The following FGFR2 variants were observed in gnomAD, a reference collection of about 807,000 sequenced individuals.
The protein encoded by FGFR2 is BEK fibroblast growth factor receptor.
A neutral mutation model predicts 95.9 loss-of-function variants in FGFR2; 19 were observed. The ratio of observed to expected loss-of-function variants is 0.20; its 90% CI spans 0.14 to 0.29. The LOEUF is 0.29. Among genes scored for constraint, FGFR2 ranks in the 10% least tolerant of loss-of-function variants. The pLI, the probability that FGFR2 is intolerant of heterozygous loss-of-function variation, is 1.00. For synonymous variants in FGFR2, 392 were observed against 393.3 expected (o/e 1.00, Z 0.04); for missense variants, 707 against 1,056.9 (o/e 0.67, Z 4.59).
At chr10:121,536,649 G>A (rs1400259986) in intron 6 of FGFR2, among the ~76,000 whole-genome samples, 3 of 152,266 alleles carry the variant, frequency 2.0e-5, no homozygotes, top group South Asian at 2.1e-4. Context: ...GGGATGAGCC[G>A]CCAGAAAGCT....
intron 14 of FGFR2, 131 bp downstream of exon 14, chr10:121,487,860 G>T: frequency 8.7e-7 from 1 of 1,147,778 alleles, no homozygotes; most frequent in Non-Finnish European, 1.3e-6. Flanking sequence ...TAAGTCAAAA[G>T]AACGGGAATC....
intron 5 of FGFR2, among the ~76,000 whole-genome samples, chr10:121,547,340 G>A (rs538085655): frequency 6.6e-6 from 1 of 152,138 alleles, no homozygotes; most frequent in South Asian, 2.1e-4. Context: ...AGGAAGTGCC[G>A]AGGAATGAAA....
Position 121,598,071 on chromosome 10 carries a change from G to A in FGFR2, c.-260C>T, listed in dbSNP as rs1863714673. ...GCGGGGAGCAACTCCAAACGCAGAA[G>A]AGTGGTCCTTGGGTCTTCGCCGGCG... On this transcript the variant is annotated 5_prime_UTR_variant, in exon 1 of 18. Transcript: ENST00000358487. 2.5e-6 allele frequency: 1 copy of A among 398,182 alleles called. No individual in the cohort carries two copies. Among genetic ancestry groups the A allele is most frequent in the Non-Finnish European group, 4.4e-6 (1 of 225,844 alleles). The allele number at this position is 398,182 out of a possible 1,614,324, so 24.7% of individuals were successfully genotyped here.
In FGFR2 at chr10:121,481,609, C is replaced by T. The variant is rs193149733; in HGVS notation, c.2302-1588G>A. ...AACGAAATTTTGTCCTAAATGGAAC[C>T]GTTTTTCTTGAGCATATGGTAATGA... On this transcript the variant is annotated intron_variant, in intron 17 of 17. Coordinates refer to ENST00000358487, the MANE Select transcript of FGFR2 (RefSeq NM_000141.5). 5.3e-5 allele frequency among the ~76,000 whole-genome samples: 8 copies of T among 152,148 alleles called. No homozygotes were observed. The East Asian group carries it at 1.4e-3, about 26-fold the overall frequency.
At chr10:121,520,627 C>T (rs1850401183) in intron 6 of FGFR2, among the ~76,000 whole-genome samples, 1 of 152,128 alleles carries the variant, frequency 6.6e-6, no homozygotes. Flanking sequence ...TTTCAATAGG[C>T]ACATGTCTCC....
chr10:121,509,496 T>TTC (rs1564899302), intron 9 of FGFR2, among the ~76,000 whole-genome samples: 29 of 111,860 alleles, frequency 2.6e-4, no homozygotes, highest in African/African-American at 9.8e-4. Context: ...TTTTTTTTTT[T>TTC]TTTTTTTTTT....
At chr10:121,567,911 A>G (rs964020178) in intron 2 of FGFR2, among the ~76,000 whole-genome samples, 1 of 152,244 alleles carries the variant, frequency 6.6e-6, no homozygotes, top group African/African-American at 2.4e-5. Context: ...CTGTTGTATA[A>G]GACAATCAGA....
At chr10:121,490,115 T>C (rs1229203889) in intron 13 of FGFR2, among the ~76,000 whole-genome samples, 3 of 151,822 alleles carry the variant, frequency 2.0e-5, no homozygotes, top group South Asian at 4.1e-4. Flanking sequence ...ACACTAACTC[T>C]TGGGTCTCAG....
At position 121,479,506 on chromosome 10, in the gene FGFR2, G is replaced by C. The variant is rs1218152512; in HGVS notation, c.*351C>G. 1.6e-5 allele frequency: 19 copies of C among 1,198,324 alleles called. No individual in the cohort carries two copies. In the African/African-American group the frequency reaches 2.1e-4, roughly 13 times the overall value. 74.2% of individuals were successfully genotyped at this position (1,198,324 alleles called of 1,614,324 possible). A position where few individuals can be genotyped will look rare whatever the true frequency, so the allele number is the denominator to read the frequency against. On this transcript the variant is annotated 3_prime_UTR_variant, in exon 18 of 18. Coordinates refer to ENST00000358487, the MANE Select transcript of FGFR2 (RefSeq NM_000141.5). The stretch of plus-strand genomic sequence containing the variant: ...TATATACTGCATTTGTGCTCTGTAA[G>C]TGTGTGCTGACATAAATCTTCTCCA...
intron 17 of FGFR2, among the ~76,000 whole-genome samples, chr10:121,481,491 T>C (rs1297207509): frequency 6.6e-6 from 1 of 152,148 alleles, no homozygotes; most frequent in Non-Finnish European, 1.5e-5. Context: ...AGAAGGGGAA[T>C]GTATCAGTTC....
chr10:121,479,467 A>T lies in FGFR2; in HGVS notation c.*390T>A. The T allele has an allele frequency of 1.9e-6, 1 of 532,184 alleles. No individual in the cohort carries two copies. 33.0% of individuals were successfully genotyped at this position (532,184 alleles called of 1,614,324 possible). On this transcript the variant is annotated 3_prime_UTR_variant, in exon 18 of 18. Transcript: ENST00000358487. ...TTATACATAATTTGAATATATTTAC[A>T]TACATCCAGCACCTATATACTGCAT...
In FGFR2 at chr10:121,588,306, T is replaced by C. The variant is rs574615972; in HGVS notation, c.109+5403A>G. Among the ~76,000 whole-genome samples, 243 of 152,174 alleles carry C rather than the reference T, an allele frequency of 1.6e-3. 2 individuals are homozygous for C. The highest frequency in any genetic ancestry group is 5.3e-3 in the African/African-American group (220 of 41,514). ...AATAGCTATTGGGTACTGGGCTTAA[T>C]ACCTGGGTGATGAAACAATCTGTAC... On this transcript the variant is annotated intron_variant, in intron 2 of 17. Coordinates refer to ENST00000358487, the MANE Select transcript of FGFR2 (RefSeq NM_000141.5).
chr10:121,533,338 C>G (rs1239148847), intron 6 of FGFR2, among the ~76,000 whole-genome samples: 1 of 152,100 alleles, frequency 6.6e-6, no homozygotes, highest in Admixed American at 6.6e-5. Context: ...TTCAATGAGC[C>G]AAGATCATGC....
At chr10:121,557,559 C>T (rs1410605906) in intron 4 of FGFR2, among the ~76,000 whole-genome samples, 3 of 152,174 alleles carry the variant, frequency 2.0e-5, no homozygotes, top group Non-Finnish European at 2.9e-5. Flanking sequence ...CCTCCTGCTT[C>T]GGCCTCCCAA....
At chr10:121,564,131 C>A (rs946938607) in intron 4 of FGFR2, among the ~76,000 whole-genome samples, 3 of 152,182 alleles carry the variant, frequency 2.0e-5, no homozygotes, top group Non-Finnish European at 2.9e-5. Flanking sequence ...CCCAGTCACA[C>A]ACCACTGGAT....
chr10:121,592,766 G>T (rs1252533761), intron 2 of FGFR2, among the ~76,000 whole-genome samples: 1 of 152,168 alleles, frequency 6.6e-6, no homozygotes, highest in Non-Finnish European at 1.5e-5. Context: ...GACTGCTGCG[G>T]GTTCCTAAAG....
At chr10:121,556,396 A>ACACTCT (rs1856139816) in intron 4 of FGFR2, among the ~76,000 whole-genome samples, 1 of 128,140 alleles carries the variant, frequency 7.8e-6, no homozygotes, top group African/African-American at 3.6e-5. Flanking sequence ...TTTATAATCT[A>ACACTCT]CTCTCTCTCT....
At chr10:121,557,298 T>A (rs924271248) in intron 4 of FGFR2, among the ~76,000 whole-genome samples, 2 of 152,154 alleles carry the variant, frequency 1.3e-5, no homozygotes, top group East Asian at 3.9e-4. Context: ...TGTGATAAAA[T>A]ACCAAAAGCA....
chr10:121,506,861 G>A (rs1325457608), intron 9 of FGFR2, among the ~76,000 whole-genome samples: 1 of 152,202 alleles, frequency 6.6e-6, no homozygotes, highest in Non-Finnish European at 1.5e-5. Flanking sequence ...CCATGTGTAT[G>A]TAATTCTTTT....
Sources: allele counts gnomAD v4.1 joint callset (sites outside exome capture counted in the v4.1 genomes callset), GRCh38; gene constraint gnomAD v4.1.1; transcripts MANE v1.5; gene names NCBI Gene and HGNC (gene_info 2026-07-23, HGNC 2026-07-21).